ZBBX: variants seen among roughly 807,000 people sequenced by gnomAD.
The protein encoded by ZBBX is zinc finger B-box domain-containing protein 1.
A neutral mutation model predicts 108.5 loss-of-function variants in ZBBX; 101 were observed. The ratio of observed to expected loss-of-function variants is 0.93; its 90% CI spans 0.79 to 1.10. ZBBX has a LOEUF of 1.10. Ranked by LOEUF, ZBBX falls within the 50% of genes least tolerant of loss-of-function variation. The probability of loss-of-function intolerance (pLI) is 0.00; values close to 1 mark genes in which losing one functional copy is unlikely to be tolerated. For missense variants in ZBBX, 1,009 were observed against 941.4 expected, an observed-to-expected ratio of 1.07 and a Z score of -0.94; for synonymous variants, 356 against 323.4, an observed-to-expected ratio of 1.10 and a Z score of -1.08.
chr3:167,253,857 A>G (rs1296192672), intron 20 of ZBBX, among the ~76,000 whole-genome samples: 1 of 152,232 alleles, frequency 6.6e-6, no homozygotes, highest in African/African-American at 2.4e-5. Flanking sequence ...TAGAAAACAT[A>G]GATCAGGACC....
At position 167,398,181 on chromosome 3, in the gene ZBBX, T is replaced by C. The variant is rs374596359; in HGVS notation, c.-446+9545A>G. Among the ~76,000 whole-genome samples the C allele has an allele frequency of 3.0e-4, 45 of 152,188 alleles. No homozygotes were observed. In the East Asian group the frequency reaches 5.4e-3, roughly 18 times the overall value. Reference sequence around the variant, plus strand: ...TACAATGGAAAACTGATTTGTGGGCTCTCAAATTTTTCATTTTGTTTATGT... The same window carrying C: ...TACAATGGAAAACTGATTTGTGGGCCCTCAAATTTTTCATTTTGTTTATGT... On this transcript the variant is annotated intron_variant, in intron 1 of 21. Transcript: ENST00000455345.
chr3:167,340,994 T>TA (rs538802992), intron 9 of ZBBX, among the ~76,000 whole-genome samples: 109 of 152,074 alleles, frequency 7.2e-4, no homozygotes, highest in African/African-American at 2.6e-3. Flanking sequence ...ATCAAGGGTA[T>TA]AAAAAACTAC....
intron 20 of ZBBX, among the ~76,000 whole-genome samples, chr3:167,277,541 A>C (rs2108503657): frequency 6.6e-6 from 1 of 152,320 alleles, no homozygotes; most frequent in South Asian, 2.1e-4. Context: ...TTCAACAAGA[A>C]GAGCTAACTA....
chr3:167,338,216 T>C (rs1204408296), intron 9 of ZBBX, among the ~76,000 whole-genome samples: 3 of 152,136 alleles, frequency 2.0e-5, no homozygotes, highest in African/African-American at 4.8e-5. Flanking sequence ...TGTTCTAAAT[T>C]CTCACCTAAA....
the ZBBX span, among the ~76,000 whole-genome samples, chr3:167,227,262 G>A: frequency 6.6e-6 from 1 of 151,752 alleles, no homozygotes; most frequent in Non-Finnish European, 1.5e-5. Context: ...CCAAGTCCTA[G>A]ACTATTATAG....
At chr3:167,378,477 T>A (rs979368365) in intron 2 of ZBBX, among the ~76,000 whole-genome samples, 9 of 152,324 alleles carry the variant, frequency 5.9e-5, no homozygotes, top group African/African-American at 2.2e-4. Context: ...AAGATCTTTG[T>A]GTGATAGAAA....
At chr3:167,182,926 T>C in the ZBBX span, among the ~76,000 whole-genome samples, 1 of 152,216 alleles carries the variant, frequency 6.6e-6, no homozygotes, top group African/African-American at 2.4e-5. Context: ...AGGGAACTGC[T>C]ATGCCTCTAT....
upstream of ZBBX, among the ~76,000 whole-genome samples, chr3:167,383,848 T>C (rs1219332519): frequency 6.6e-6 from 1 of 152,038 alleles, no homozygotes; most frequent in Non-Finnish European, 1.5e-5. Flanking sequence ...TGTCCTTGAG[T>C]AATTCAAGTG....
intron 1 of ZBBX, among the ~76,000 whole-genome samples, chr3:167,401,906 C>T (rs2108643628): frequency 6.6e-6 from 1 of 152,204 alleles, no homozygotes; most frequent in East Asian, 1.9e-4. Flanking sequence ...ATCATATTTC[C>T]ATATGGGACT....
chr3:167,367,968 G>GTATATATATATA (rs927024323), intron 5 of ZBBX, among the ~76,000 whole-genome samples: 4 of 21,906 alleles, frequency 1.8e-4, no homozygotes, highest in Non-Finnish European at 3.0e-4. Flanking sequence ...TTATATATAT[G>GTATATATATATA]TATATATATA....
intron 8 of ZBBX, among the ~76,000 whole-genome samples, chr3:167,355,229 T>C (rs1743347342): frequency 6.6e-6 from 1 of 151,996 alleles, no homozygotes; most frequent in Non-Finnish European, 1.5e-5. Context: ...TGTAAATGGA[T>C]AGGTCATTTA....
In ZBBX at chr3:167,333,839, C is replaced by A; in HGVS notation, c.675G>T (p.Arg225Ser). The change falls in exon 10 of 22, where the codon AGG (arginine) becomes AGT (serine). Residue 225 changes from arginine to serine, a missense_variant. By Grantham distance (110) the Arg-to-Ser change is moderately radical. Coordinates refer to ENST00000675490, the MANE Select transcript of ZBBX (RefSeq NM_001199201.2). ...TTCCTCAGTTTACCTCAGAGCTGCT[C>A]CTCTGGAGAAGTACAGATTTGGGTT... is the stretch of plus-strand genomic sequence containing the variant. Reference protein sequence around the residue: ...QHKPKSVLLQRSSSEVEITTM... With the variant: ...QHKPKSVLLQSSSSEVEITTM... 1 of 1,606,900 alleles carries A rather than the reference C, an allele frequency of 6.2e-7. No homozygotes were observed. Among genetic ancestry groups the A allele is most frequent in the African/African-American group, 1.3e-5 (1 of 74,660 alleles).
intron 17 of ZBBX, among the ~76,000 whole-genome samples, chr3:167,299,106 G>T (rs1210868913): frequency 6.6e-6 from 1 of 151,878 alleles, no homozygotes; most frequent in African/African-American, 2.4e-5. Context: ...GAATATAACT[G>T]GGATTTTAAA....
intron 1 of ZBBX, among the ~76,000 whole-genome samples, chr3:167,403,007 A>G (rs890636324): frequency 1.3e-5 from 2 of 152,194 alleles, no homozygotes; most frequent in African/African-American, 4.8e-5. Context: ...GAGAGGGAAT[A>G]AGTCAGAGTA....
downstream of ZBBX, among the ~76,000 whole-genome samples, chr3:167,238,621 G>C (rs1304981379): frequency 6.6e-6 from 1 of 152,044 alleles, no homozygotes; most frequent in Non-Finnish European, 1.5e-5. Flanking sequence ...GAAGACAAAA[G>C]AGTTTGAGTC....
upstream of ZBBX, among the ~76,000 whole-genome samples, chr3:167,385,167 G>A (rs1187889347): frequency 6.6e-6 from 1 of 151,976 alleles, no homozygotes; most frequent in African/African-American, 2.4e-5. Flanking sequence ...ATCAAAGAGT[G>A]AACTGACACA....
At chr3:167,242,238 G>T (rs1720802440) in intron 21 of ZBBX, among the ~76,000 whole-genome samples, 1 of 152,026 alleles carries the variant, frequency 6.6e-6, no homozygotes, top group Admixed American at 6.6e-5. Context: ...AATGCTGAAG[G>T]ATTATTATAT....
chr3:167,327,886 C>G, intron 11 of ZBBX, 56 bp downstream of exon 11: 1 of 1,499,268 alleles, frequency 6.7e-7, no homozygotes, highest in Non-Finnish European at 8.8e-7. Context: ...TGCACTCCAG[C>G]CTGGGCAACA....
chr3:167,240,864 T>C lies in ZBBX; in HGVS notation c.2449A>G (p.Thr817Ala), dbSNP rs761056490. 5.0e-6 allele frequency: 8 copies of C among 1,613,656 alleles called. No homozygotes were observed. In the East Asian group the frequency reaches 1.8e-4, roughly 36 times the overall value. The part of the protein sequence containing the change: ...QSLLSLSESS[T>A]DEEEEDFLNK... ...AGAAAATCTTCCTCCTCCTCATCTG[T>C]ACTGCTCTCAGAAAGTGACAGCAAA... Residue 817 changes from threonine to alanine, a missense_variant, in exon 22 of 22, where the codon ACA becomes GCA. Physicochemically the swap from Thr to Ala is moderately conservative, Grantham distance 58. Transcript: ENST00000675490.
Sources: gnomAD v4.1 joint callset for allele counts (sites outside exome capture counted in the v4.1 genomes callset) on GRCh38, gnomAD v4.1.1 for gene constraint, MANE v1.5 for transcripts, NCBI Gene and HGNC (gene_info 2026-07-23, HGNC 2026-07-21) for gene names.